Variants in DLG1 observed in about 807,000 individuals in gnomAD.
DLG1 encodes the protein discs large MAGUK scaffold protein 1.
Under a neutral mutation model 123.4 loss-of-function variants are expected in DLG1, and 42 were observed. That is an observed-to-expected ratio of 0.34 (90% CI 0.27 to 0.44). The LOEUF (loss-of-function observed/expected upper bound fraction) is 0.44, where lower values mean the gene tolerates loss of function less well. DLG1 is among the 20% of genes least tolerant of loss of function. DLG1 has a pLI of 1.00. For synonymous variants in DLG1, 317 were observed against 356.2 expected, an observed-to-expected ratio of 0.89 and a Z score of 1.24; for missense variants, 942 against 1,082.6, an observed-to-expected ratio of 0.87 and a Z score of 1.82.
At chr3:197,176,397 C>T (rs1305305505) in intron 5 of DLG1, among the ~76,000 whole-genome samples, 5 of 152,060 alleles carry the variant, frequency 3.3e-5, no homozygotes, top group Non-Finnish European at 5.9e-5. Context: ...TGTTTAATGA[C>T]GTTTCCGCCA....
rs188664786 is a variant in DLG1 at position 197,227,483 on chromosome 3, A to C, written c.319-32894T>G. Among the ~76,000 whole-genome samples, 248 of 152,076 alleles carry C rather than the reference A, an allele frequency of 1.6e-3. 1 individual carries two copies. The highest frequency in any genetic ancestry group is 2.9e-3 in the Admixed American group (45 of 15,256). ...GAGTGAGACTCCATCTCAAAAAAAAACCAAAAAAACAAAAAACAAAAACAA... is the reference window on the plus strand; with the variant it reads ...GAGTGAGACTCCATCTCAAAAAAAACCCAAAAAAACAAAAAACAAAAACAA... On this transcript the variant is annotated intron_variant, in intron 4 of 24. Transcript: ENST00000667157.
At chr3:197,247,625 C>T (rs372561523) in intron 4 of DLG1, among the ~76,000 whole-genome samples, 2 of 152,124 alleles carry the variant, frequency 1.3e-5, no homozygotes, top group South Asian at 4.1e-4. Flanking sequence ...AAACTGAGGG[C>T]TCAAGGATGG....
chr3:197,093,909 G>A (rs1362260374), intron 14 of DLG1, among the ~76,000 whole-genome samples: 1 of 152,054 alleles, frequency 6.6e-6, no homozygotes, highest in Non-Finnish European at 1.5e-5. Flanking sequence ...CTAGTGCTTT[G>A]GGTCATTTGT....
intron 4 of DLG1, among the ~76,000 whole-genome samples, chr3:197,273,849 CAAAA>C (rs58880007): frequency 1.4e-4 from 7 of 48,708 alleles, no homozygotes; most frequent in Admixed American, 1.2e-3. Context: ...TAATAGCTAC[CAAAA>C]AAAAAAAAAA....
intron 4 of DLG1, among the ~76,000 whole-genome samples, chr3:197,239,692 A>T (rs1234611016): frequency 6.6e-6 from 1 of 152,102 alleles, no homozygotes; most frequent in Non-Finnish European, 1.5e-5. Flanking sequence ...ATTAATCAAG[A>T]GGATTTCCAG....
intron 24 of DLG1, 99 bp downstream of exon 24, chr3:197,051,478 A>AAC: frequency 1.2e-6 from 1 of 859,564 alleles, no homozygotes; most frequent in South Asian, 1.5e-5. Flanking sequence ...TACTACGGGT[A>AAC]GATGTAGGCA....
chr3:197,155,910 C>A (rs116249692), intron 5 of DLG1, among the ~76,000 whole-genome samples: 2,068 of 152,232 alleles, frequency 0.014, 11 homozygotes, highest in Non-Finnish European at 0.02. Flanking sequence ...GATGGCACCA[C>A]TGCACTCCAG....
intron 3 of DLG1, among the ~76,000 whole-genome samples, chr3:197,284,760 A>AT (rs1771009751): frequency 6.6e-6 from 1 of 152,196 alleles, no homozygotes; most frequent in South Asian, 2.1e-4. Flanking sequence ...AAAAAATTAG[A>AT]TTTTGGTTGA....
chr3:197,076,813 TTAATC>T, intron 17 of DLG1, 128 bp from the exon 18 acceptor site: 1 of 478,234 alleles, frequency 2.1e-6, no homozygotes, highest in Non-Finnish European at 3.8e-6. Flanking sequence ...GATTTTTACT[TTAATC>T]TCATATAAAG....
At chr3:197,297,038 T>C in intron 2 of DLG1, 148 bp downstream of exon 2, 2 of 817,082 alleles carry the variant, frequency 2.4e-6, no homozygotes, top group Middle Eastern at 2.3e-4. Context: ...TCTTCTGAAA[T>C]GATATGAGGC....
intron 18 of DLG1, among the ~76,000 whole-genome samples, chr3:197,075,357 T>C (rs1475239929): frequency 7.4e-6 from 1 of 134,586 alleles, no homozygotes; most frequent in Non-Finnish European, 1.6e-5. Flanking sequence ...ACACAACCTA[T>C]CCCCTCAATA....
intron 4 of DLG1, among the ~76,000 whole-genome samples, chr3:197,227,336 G>C (rs1193564971): frequency 1.3e-5 from 2 of 151,924 alleles, no homozygotes; most frequent in African/African-American, 2.4e-5. Flanking sequence ...TTAGCCAGGC[G>C]TGGTGGTACG....
chr3:197,185,004 ACT>A (rs1219462076), intron 5 of DLG1, among the ~76,000 whole-genome samples: 3 of 152,064 alleles, frequency 2.0e-5, no homozygotes, highest in Non-Finnish European at 4.4e-5. Flanking sequence ...TTCCCAAGTG[ACT>A]CTTAAGTACC....
intron 5 of DLG1, among the ~76,000 whole-genome samples, chr3:197,183,326 T>C (rs371539927): frequency 6.6e-6 from 1 of 152,210 alleles, no homozygotes; most frequent in South Asian, 2.1e-4. Flanking sequence ...AATGGGCTTA[T>C]ATTTTTAGAA....
chr3:197,138,543 T>C, intron 8 of DLG1, 152 bp from the exon 9 acceptor site: 1 of 303,364 alleles, frequency 3.3e-6, no homozygotes. Context: ...GAAGAAAGTA[T>C]ATCAAAAACT....
At chr3:197,186,804 C>T (rs1263190290) in intron 5 of DLG1, among the ~76,000 whole-genome samples, 1 of 152,116 alleles carries the variant, frequency 6.6e-6, no homozygotes, top group Non-Finnish European at 1.5e-5. Context: ...TCTTGAACTC[C>T]TTGGCTCAAT....
chr3:197,291,836 A>G (rs546450306), intron 3 of DLG1, among the ~76,000 whole-genome samples: 3 of 152,374 alleles, frequency 2.0e-5, no homozygotes, highest in East Asian at 1.9e-4. Context: ...CAATGACTAA[A>G]TGATATATTT....
At chr3:197,110,120 G>T (rs991155672) in intron 13 of DLG1, among the ~76,000 whole-genome samples, 1 of 151,998 alleles carries the variant, frequency 6.6e-6, no homozygotes, top group Non-Finnish European at 1.5e-5. Context: ...CTCCCATTAT[G>T]TTGGTAAATT....
At chr3:197,064,772 A>T (rs897839607) in intron 22 of DLG1, among the ~76,000 whole-genome samples, 7 of 152,168 alleles carry the variant, frequency 4.6e-5, no homozygotes, top group Middle Eastern at 3.4e-3. Context: ...AAAGTTTTTT[A>T]AAAATTTTAA....
Sources: gnomAD v4.1 joint callset for allele counts (sites outside exome capture counted in the v4.1 genomes callset) on GRCh38, gnomAD v4.1.1 for gene constraint, MANE v1.5 for transcripts, NCBI Gene and HGNC (gene_info 2026-07-23, HGNC 2026-07-21) for gene names.